Variants in ADGRF1 observed in about 807,000 individuals in gnomAD.
ADGRF1 encodes G protein-coupled receptor 110.
In ADGRF1, 85 loss-of-function variants were observed where a neutral mutation model predicts 87.2. The ratio of observed to expected loss-of-function variants is 0.97; its 90% CI spans 0.82 to 1.17. The LOEUF is 1.17. ADGRF1 is among the 50% of genes most tolerant of loss of function. The pLI is 0.00. For missense variants in ADGRF1, 1,169 were observed against 1,077.2 expected (o/e 1.09, Z -1.19); for synonymous variants, 430 against 408.8 (o/e 1.05, Z -0.63).
intron 5 of ADGRF1, among the ~76,000 whole-genome samples, chr6:47,022,631 A>T (rs1780093637): frequency 6.6e-6 from 1 of 152,000 alleles, no homozygotes; most frequent in Non-Finnish European, 1.5e-5. Flanking sequence ...TCTGCCTCCC[A>T]TCCTCTTACA....
At chr6:47,005,507 T>C (rs544730494) in intron 13 of ADGRF1, among the ~76,000 whole-genome samples, 17 of 152,320 alleles carry the variant, frequency 1.1e-4, no homozygotes, top group Middle Eastern at 6.8e-3. Flanking sequence ...GTTCTAAATA[T>C]TGATAAGCTA....
intron 4 of ADGRF1, 23 bp from the exon 5 acceptor site, chr6:47,024,240 T>A (rs199841000): frequency 1.3e-6 from 2 of 1,581,694 alleles, no homozygotes; most frequent in East Asian, 2.2e-5. Flanking sequence ...TAGAACTCAG[T>A]CTCATGGATT....
At position 47,009,531 on chromosome 6, in the gene ADGRF1, AAG is replaced by A; in HGVS notation, c.1902_1903del (p.Leu635AspfsTer3). 6.2e-7 allele frequency: 1 copy of A among 1,614,120 alleles called. No homozygotes were observed. The highest frequency in any genetic ancestry group is 2.2e-5 in the East Asian group (1 of 44,860). ...AACAATAAACCAGACATCAGCAATC[AAG>A]AGGGACAGGGCTATGTTCACCATGC... On this transcript the variant is annotated frameshift_variant, in exon 11 of 15. Coordinates refer to ENST00000371253, the MANE Select transcript of ADGRF1 (RefSeq NM_153840.4). LOFTEE classifies it high-confidence loss of function.
intron 11 of ADGRF1, among the ~76,000 whole-genome samples, chr6:47,007,568 C>G (rs1028171912): frequency 6.6e-6 from 1 of 152,230 alleles, no homozygotes; most frequent in Non-Finnish European, 1.5e-5. Context: ...TTCTCCCCAT[C>G]GTACCATCCC....
chr6:47,018,513 G>A (rs984717724), intron 7 of ADGRF1: 4 of 1,289,614 alleles, frequency 3.1e-6, no homozygotes, highest in Non-Finnish European at 4.0e-6. Flanking sequence ...ATTGATTACA[G>A]AGTATTTTCC....
In ADGRF1 at chr6:47,028,161, A is replaced by G. The variant is rs78681889; in HGVS notation, c.70-400T>C. On this transcript the variant is annotated intron_variant, in intron 2 of 14. Transcript: ENST00000371253. ...AACATGCTGTAACTTACTTTGTAGC[A>G]GGCTCAATCCTGAAGCCCCATTGAG... 3.9e-4 allele frequency among the ~76,000 whole-genome samples: 60 copies of G among 152,320 alleles called. No individual in the cohort carries two copies. In the East Asian group the frequency reaches 0.011, roughly 28 times the overall value.
At position 46,999,191 on chromosome 6, in the gene ADGRF1, G is replaced by A. The variant is rs1311256404; in HGVS notation, c.*1031C>T. ...GCTGCTTTGTATGTCATCCAAAAGT[G>A]GCACTGGCTGTACAAGAAAATAACT... On this transcript the variant is annotated 3_prime_UTR_variant, in exon 15 of 15. Transcript: ENST00000371253. 1 of 152,154 alleles carries A rather than the reference G, an allele frequency of 6.6e-6. No individual in the cohort carries two copies. Among genetic ancestry groups the A allele is most frequent in the African/African-American group, 2.4e-5 (1 of 41,434 alleles). The allele number at this position is 152,154 out of a possible 1,614,324, so 9.4% of individuals were successfully genotyped here. A position where few individuals can be genotyped will look rare whatever the true frequency, so the allele number is the denominator to read the frequency against.
chr6:47,016,214 T>TTG (rs141321066), intron 8 of ADGRF1, among the ~76,000 whole-genome samples: 6,331 of 151,898 alleles, frequency 0.042, 430 homozygotes, highest in African/African-American at 0.14. Flanking sequence ...GAAAAACAGT[T>TTG]TGTGTGTGTG....
chr6:47,010,567 G>A (rs1266821750), intron 10 of ADGRF1, among the ~76,000 whole-genome samples: 1 of 152,156 alleles, frequency 6.6e-6, no homozygotes, highest in Non-Finnish European at 1.5e-5. Flanking sequence ...TAAATGCACT[G>A]AGGCTTCAGG....
intron 13 of ADGRF1, among the ~76,000 whole-genome samples, chr6:47,002,786 G>A (rs1402790141): frequency 6.6e-6 from 1 of 152,092 alleles, no homozygotes; most frequent in African/African-American, 2.4e-5. Flanking sequence ...TAGGGACAAT[G>A]GAGGGTCAAG....
chr6:47,035,132 A>G (rs909912129), intron 1 of ADGRF1, among the ~76,000 whole-genome samples: 3 of 152,208 alleles, frequency 2.0e-5, no homozygotes, highest in Admixed American at 2.0e-4. Flanking sequence ...TGCAAGCCTC[A>G]TGGGTTGGCT....
chr6:47,007,495 T>G lies in ADGRF1; in HGVS notation c.2491-201A>C, dbSNP rs576284584. On this transcript the variant is annotated intron_variant, in intron 11 of 14. Coordinates refer to ENST00000371253, the MANE Select transcript of ADGRF1 (RefSeq NM_153840.4). Reference sequence around the variant, plus strand: ...GCACTATGCAAAGCACTCAAAAAAATGTTTTGTTGATGTCTAAATAAGCAA... The same window carrying G: ...GCACTATGCAAAGCACTCAAAAAAAGGTTTTGTTGATGTCTAAATAAGCAA... 1.5e-4 allele frequency among the ~76,000 whole-genome samples: 23 copies of G among 152,252 alleles called. No individual in the cohort carries two copies. The South Asian group carries it at 4.1e-3, about 27-fold the overall frequency.
intron 5 of ADGRF1, among the ~76,000 whole-genome samples, 160 bp downstream of exon 5, chr6:47,023,884 G>T (rs1172283841): frequency 2.0e-5 from 3 of 152,178 alleles, no homozygotes; most frequent in Admixed American, 2.0e-4. Context: ...TACTATGAAA[G>T]TTCTCACTGG....
At chr6:47,024,271 T>A (rs1368103218) in intron 4 of ADGRF1, 54 bp from the exon 5 acceptor site, 2 of 1,212,384 alleles carry the variant, frequency 1.6e-6, no homozygotes, top group Non-Finnish European at 2.4e-6. Flanking sequence ...AACTGACTAC[T>A]GCTGAGCAGT....
At chr6:47,025,266 A>T (rs1780195181) in intron 4 of ADGRF1, among the ~76,000 whole-genome samples, 1 of 152,198 alleles carries the variant, frequency 6.6e-6, no homozygotes, top group Non-Finnish European at 1.5e-5. Context: ...CACCTGGAAG[A>T]TCTCACCCTG....
chr6:47,021,001 C>T (rs922038492), intron 6 of ADGRF1, among the ~76,000 whole-genome samples: 3 of 152,162 alleles, frequency 2.0e-5, no homozygotes, highest in African/African-American at 4.8e-5. Flanking sequence ...CATACATATA[C>T]ACGTATAAAA....
chr6:47,036,641 G>C (rs1780596785), intron 1 of ADGRF1, among the ~76,000 whole-genome samples: 1 of 152,050 alleles, frequency 6.6e-6, no homozygotes, highest in African/African-American at 2.4e-5. Flanking sequence ...TCATTCAATG[G>C]TTACACTGAT....
intron 5 of ADGRF1, among the ~76,000 whole-genome samples, chr6:47,023,638 A>G (rs970396556): frequency 6.6e-6 from 1 of 152,162 alleles, no homozygotes; most frequent in African/African-American, 2.4e-5. Flanking sequence ...ATCATTCACT[A>G]TATATTCCTC....
intron 8 of ADGRF1, 38 bp downstream of exon 8, chr6:47,016,579 T>G (rs113522598): frequency 6.8e-7 from 1 of 1,481,296 alleles, no homozygotes. Flanking sequence ...ATTAAAGGAC[T>G]CTCTTAACCT....
Sources: gnomAD v4.1 joint callset for allele counts (sites outside exome capture counted in the v4.1 genomes callset) on GRCh38, gnomAD v4.1.1 for gene constraint, MANE v1.5 for transcripts, NCBI Gene and HGNC (gene_info 2026-07-23, HGNC 2026-07-21) for gene names.